The following CROCC2 variants were observed in gnomAD, a reference collection of about 807,000 sequenced individuals.
CROCC2 encodes the protein ciliary rootlet coiled-coil, rootletin family member 2.
Under a neutral mutation model 177.6 loss-of-function variants are expected in CROCC2, and 163 were observed. The ratio of observed to expected loss-of-function variants is 0.92; its 90% CI spans 0.81 to 1.05. CROCC2 has a LOEUF of 1.05. CROCC2 is among the 50% of genes least tolerant of loss of function. CROCC2 has a pLI of 0.00. For missense variants in CROCC2, 1,929 were observed against 1,797.8 expected (o/e 1.07, Z -1.32); for synonymous variants, 904 against 787.3 (o/e 1.15, Z -2.48).
intron 1 of CROCC2, among the ~76,000 whole-genome samples, chr2:240,914,878 C>T (rs1405588152): frequency 1.3e-5 from 2 of 152,218 alleles, no homozygotes; most frequent in African/African-American, 2.4e-5. Context: ...ATGGCTTTGA[C>T]GAGGGTGTGG....
intron 1 of CROCC2, among the ~76,000 whole-genome samples, chr2:240,916,681 T>C (rs1431015625): frequency 6.6e-6 from 1 of 152,052 alleles, no homozygotes; most frequent in Non-Finnish European, 1.5e-5. Context: ...ATGTTAGGAA[T>C]GAGTCAAGTT....
chr2:240,931,032 C>G lies in CROCC2; in HGVS notation c.851C>G (p.Thr284Arg), dbSNP rs889297637. The part of the protein sequence containing the change: ...DSNLRLSASS[T>R]ASTLGQQLRD... ...AACCTGCGGCTGTCGGCCAGCAGCA[C>G]GGCCAGCACCCTGGGGCAGCAGCTT... Residue 284 changes from threonine to arginine, a missense_variant, in exon 7 of 32, where the codon ACG becomes AGG. Thr to Arg is a moderately conservative substitution (Grantham distance 71, BLOSUM62 -1). Transcript: ENST00000690015. 5.6e-6 allele frequency: 4 copies of G among 716,526 alleles called. No homozygotes were observed. Among genetic ancestry groups the G allele is most frequent in the Admixed American group, 4.0e-5 (2 of 49,990 alleles). The allele number at this position is 716,526 out of a possible 1,614,324, so 44.4% of individuals were successfully genotyped here. A position where few individuals can be genotyped will look rare whatever the true frequency, so the allele number is the denominator to read the frequency against.
rs572453851 is a variant in CROCC2, at chr2:240,952,010, C to T, written c.2829+1500C>T. On this transcript the variant is annotated intron_variant, in intron 18 of 31. Transcript: ENST00000690015. ...GAAAGGAATGGACACATGAACACGT[C>T]CACATTGTGTCCCATGGGGTGATAA... Among the ~76,000 whole-genome samples, 8 of 152,298 alleles carry T rather than the reference C, an allele frequency of 5.3e-5. No homozygotes were observed. The East Asian group carries it at 1.3e-3, about 26-fold the overall frequency.
intron 1 of CROCC2, among the ~76,000 whole-genome samples, chr2:240,915,491 C>T (rs771367907): frequency 3.3e-5 from 5 of 152,220 alleles, no homozygotes; most frequent in South Asian, 2.1e-4. Context: ...GGATGGCCAA[C>T]GCTCCCATTT....
At chr2:240,925,179 G>C (rs1374280069) in intron 4 of CROCC2, among the ~76,000 whole-genome samples, 1 of 152,234 alleles carries the variant, frequency 6.6e-6, no homozygotes, top group Non-Finnish European at 1.5e-5. Context: ...AGTTTTGAGG[G>C]GGAAGAAAAA....
At chr2:240,976,331 T>G (rs71350882) in intron 27 of CROCC2, among the ~76,000 whole-genome samples, 8 of 93,456 alleles carry the variant, frequency 8.6e-5, no homozygotes, top group African/African-American at 2.0e-4. Context: ...CCCTGCTCAG[T>G]CTCTGGGGTA....
intron 20 of CROCC2, among the ~76,000 whole-genome samples, chr2:240,962,285 G>A (rs893348986): frequency 6.6e-6 from 1 of 152,036 alleles, no homozygotes; most frequent in Non-Finnish European, 1.5e-5. Flanking sequence ...ATGAGGCAGA[G>A]GGAGCGGGTG....
chr2:240,956,868 G>C (rs941505427), intron 19 of CROCC2, among the ~76,000 whole-genome samples: 1 of 152,176 alleles, frequency 6.6e-6, no homozygotes, highest in Non-Finnish European at 1.5e-5. Flanking sequence ...GGCTCACAGC[G>C]AGGGTGGCCA....
rs2106497340 is a variant in CROCC2 at position 240,993,096 on chromosome 2, G to T, written c.*15G>T. Reference sequence around the variant, plus strand: ...AAAGGGACTGAAGCTCCCAGCACAGGGGAGGCGCCCAGCGTGGCTGCAGAG... The same window carrying T: ...AAAGGGACTGAAGCTCCCAGCACAGTGGAGGCGCCCAGCGTGGCTGCAGAG... On this transcript the variant is annotated 3_prime_UTR_variant, in exon 32 of 32. Transcript: ENST00000690015. 1.4e-6 allele frequency: 1 copy of T among 716,770 alleles called. No individual in the cohort carries two copies. The allele number at this position is 716,770 out of a possible 1,614,324, so 44.4% of individuals were successfully genotyped here.
intron 15 of CROCC2, among the ~76,000 whole-genome samples, chr2:240,947,659 C>T (rs956692294): frequency 9.9e-5 from 15 of 152,232 alleles, no homozygotes; most frequent in African/African-American, 3.6e-4. Flanking sequence ...GGAAACCGTG[C>T]TGCAGCTCCT....
At chr2:240,987,756 G>A (rs2059850227) in intron 28 of CROCC2, among the ~76,000 whole-genome samples, 1 of 152,402 alleles carries the variant, frequency 6.6e-6, no homozygotes, top group East Asian at 1.9e-4. Context: ...GCCCAAGGCT[G>A]TCACCCCTGT....
At chr2:240,945,201 G>A (rs2059515768) in intron 14 of CROCC2, among the ~76,000 whole-genome samples, 1 of 152,210 alleles carries the variant, frequency 6.6e-6, no homozygotes, top group Admixed American at 6.5e-5. Context: ...TTCCCAAAGT[G>A]CTGGGATTAT....
Position 240,922,543 on chromosome 2 carries a change from A to G in CROCC2, c.386A>G (p.Gln129Arg). Residue 129 changes from glutamine to arginine, a missense_variant, in exon 4 of 32, where the codon CAG becomes CGG. This residue lies in a region of CROCC2 where 1,397 missense variants were observed against 1,239.9 expected (regional missense o/e 1.13). Transcript: ENST00000690015. The part of the protein sequence containing the change: ...SRCRVVSEQL[Q>R]ARLETTEAQL... ...TGGGCTATTGCTCCTCCCCAGCTGC[A>G]GGCCCGGCTGGAGACCACCGAGGCT... is the stretch of plus-strand genomic sequence containing the variant. 1 of 694,800 alleles carries G rather than the reference A, an allele frequency of 1.4e-6. No homozygotes were observed. Among genetic ancestry groups the G allele is most frequent in the African/African-American group, 1.8e-5 (1 of 56,528 alleles). 43.0% of individuals were successfully genotyped at this position (694,800 alleles called of 1,614,324 possible).
intron 4 of CROCC2, among the ~76,000 whole-genome samples, chr2:240,923,272 C>G (rs1574749496): frequency 1.3e-5 from 2 of 151,870 alleles, no homozygotes; most frequent in Non-Finnish European, 2.9e-5. Context: ...CAGAGCCCCC[C>G]CCGCCACCGC....
At chr2:240,962,033 C>T (rs1011722919) in intron 20 of CROCC2, among the ~76,000 whole-genome samples, 5 of 30,662 alleles carry the variant, frequency 1.6e-4, no homozygotes, top group Admixed American at 6.3e-4. Context: ...CACACACGCA[C>T]GCACACACGC....
intron 14 of CROCC2, among the ~76,000 whole-genome samples, chr2:240,936,475 C>G (rs538905888): frequency 6.6e-6 from 1 of 152,350 alleles, no homozygotes; most frequent in African/African-American, 2.4e-5. Flanking sequence ...TCTCTCTCAG[C>G]ATCATGTCTT....
Position 240,966,227 on chromosome 2 carries a change from T to A in CROCC2, c.3964T>A (p.Ser1322Thr). ...CCCTCCGCTGTCACCTCCCGCAGGC[T>A]CCGACAGCTCCCAGGCTCTCCCTGG... The part of the protein sequence containing the change: ...PEQPGSPTKG[S>T]DSSQALPGQQ... The change falls in exon 25 of 32, where the codon TCC becomes ACC. Residue 1322 changes from serine (S) to threonine (T), a missense_variant and splice_region_variant. By Grantham distance (58) the Ser-to-Thr change is moderately conservative. This residue lies in a region of CROCC2 where 388 missense variants were observed against 352.7 expected (regional missense o/e 1.10). Coordinates refer to ENST00000690015, the MANE Select transcript of CROCC2 (RefSeq NM_001351305.2). 1.2e-6 allele frequency: 1 copy of A among 863,498 alleles called. No homozygotes were observed. The highest frequency in any genetic ancestry group is 1.5e-6 in the Non-Finnish European group (1 of 648,874). The allele number at this position is 863,498 out of a possible 1,614,324, so 53.5% of individuals were successfully genotyped here.
intron 5 of CROCC2, among the ~76,000 whole-genome samples, chr2:240,928,243 C>G (rs1174800305): frequency 1.3e-5 from 2 of 152,300 alleles, no homozygotes; most frequent in East Asian, 3.9e-4. Flanking sequence ...TGCCAAGGGG[C>G]TCTAACAGTC....
At chr2:240,935,208 C>A in intron 13 of CROCC2, 146 bp downstream of exon 13, 1 of 1,197,804 alleles carries the variant, frequency 8.3e-7, no homozygotes, top group Non-Finnish European at 1.1e-6. Context: ...CCTGACTAGC[C>A]CTGGCCAGGC....
Sources: allele counts gnomAD v4.1 joint callset (sites outside exome capture counted in the v4.1 genomes callset), GRCh38; gene constraint gnomAD v4.1.1; regional missense constraint gnomAD v4.1.1; transcripts MANE v1.5; gene names NCBI Gene and HGNC (gene_info 2026-07-23, HGNC 2026-07-21).